The following UTY variants were observed in gnomAD, a reference collection of about 807,000 sequenced individuals.
The protein encoded by UTY is histone demethylase UTY.
UTY carries 12 observed loss-of-function variants against 32.5 expected under a neutral mutation model. The observed-to-expected ratio is 0.37, with a 90% confidence interval of 0.24 to 0.60. UTY has a LOEUF of 0.60. Ranked by LOEUF, UTY falls within the 20% of genes least tolerant of loss-of-function variation. UTY has a pLI of 0.69. For synonymous variants in UTY, 131 were observed against 103.4 expected (o/e 1.27, Z -1.62); for missense variants, 303 against 299.2 (o/e 1.01, Z -0.09).
intron 4 of UTY, among the ~76,000 whole-genome samples, chrY:13,446,619 T>TAGATAGATAGACAGACAGACAGAC (rs1556515298): frequency 3.5e-4 from 5 of 14,269 alleles, no homozygotes; most frequent in East Asian, 2.8e-3. Flanking sequence ...GATAGATAGA[T>TAGATAGATAGACAGACAGACAGAC]AGACAGACAG....
chrY:13,293,152 T>C (rs919161038), intron 27 of UTY, among the ~76,000 whole-genome samples: 9 of 33,729 alleles, frequency 2.7e-4, no homozygotes, highest in African/African-American at 1.0e-3. Flanking sequence ...TCATGGTTAA[T>C]GCTGTATGGA....
intron 16 of UTY, 36 bp downstream of exon 16, chrY:13,355,887 G>A: frequency 6.2e-6 from 2 of 324,511 alleles, no homozygotes; most frequent in South Asian, 7.3e-5. Flanking sequence ...TCAAACTGTT[G>A]GTAAATTTTA....
At chrY:13,311,487 C>T (rs2059083971) in intron 21 of UTY, among the ~76,000 whole-genome samples, 1 of 28,828 alleles carries the variant, frequency 3.5e-5, no homozygotes, top group African/African-American at 1.4e-4. Flanking sequence ...CCCAGCTACT[C>T]GGGAGGCTGA....
chrY:13,446,619 T>TAGATAGATAGATAGACAGACAGAC (rs1556515298), intron 4 of UTY, among the ~76,000 whole-genome samples: 16 of 14,269 alleles, frequency 1.1e-3, no homozygotes, highest in South Asian at 5.5e-3. Context: ...GATAGATAGA[T>TAGATAGATAGATAGACAGACAGAC]AGACAGACAG....
intron 27 of UTY, among the ~76,000 whole-genome samples, chrY:13,276,728 C>A: frequency 3.1e-5 from 1 of 32,467 alleles, no homozygotes; most frequent in Non-Finnish European, 7.6e-5. Flanking sequence ...CTCAAAAAAC[C>A]CCCCCCAAAA....
intron 23 of UTY, 129 bp from the exon 24 acceptor site, chrY:13,305,676 C>T: frequency 6.6e-6 from 2 of 302,638 alleles, no homozygotes; most frequent in Non-Finnish European, 8.8e-6. Context: ...AGAACTAAAG[C>T]GTTTAACTTA....
chrY:13,365,625 T>C (rs2064058100), intron 10 of UTY, among the ~76,000 whole-genome samples: 1 of 31,958 alleles, frequency 3.1e-5, no homozygotes, highest in Non-Finnish European at 7.5e-5. Flanking sequence ...ATTTTAAACA[T>C]TAATTATATT....
chrY:13,427,245 A>C (rs1050906999), intron 4 of UTY, among the ~76,000 whole-genome samples: 1 of 33,909 alleles, frequency 2.9e-5, no homozygotes, highest in Non-Finnish European at 7.4e-5. Context: ...ACTAGAGAAA[A>C]ATCACTTAAT....
At chrY:13,474,659 G>A (rs754606955) in intron 2 of UTY, among the ~76,000 whole-genome samples, 1 of 33,973 alleles carries the variant, frequency 2.9e-5, no homozygotes, top group East Asian at 7.7e-4. Flanking sequence ...CTAAGGACAC[G>A]CACAGGCCAA....
At chrY:13,306,840 C>T in intron 21 of UTY, among the ~76,000 whole-genome samples, 1 of 32,528 alleles carries the variant, frequency 3.1e-5, no homozygotes, top group Non-Finnish European at 7.5e-5. Flanking sequence ...ATGCCTCAGC[C>T]TCCCTCCAAT....
intron 1 of UTY, 43 bp downstream of exon 1, chrY:13,479,471 G>T: frequency 2.5e-6 from 1 of 398,295 alleles, no homozygotes; most frequent in Non-Finnish European, 3.5e-6. Context: ...GGCCTTCCCG[G>T]AGAGTATCGC....
chrY:13,376,711 C>G (rs2065421763), intron 8 of UTY, among the ~76,000 whole-genome samples: 1 of 33,357 alleles, frequency 3.0e-5, no homozygotes, highest in Non-Finnish European at 7.4e-5. Flanking sequence ...ACTGAAAATA[C>G]AAACAGTAGA....
intron 3 of UTY, among the ~76,000 whole-genome samples, chrY:13,455,413 T>C (rs2076719358): frequency 3.0e-5 from 1 of 33,177 alleles, no homozygotes. Flanking sequence ...GACTATCATG[T>C]GCTAAAGCAT....
chrY:13,237,518 G>T (rs2053862311), intron 28 of UTY, among the ~76,000 whole-genome samples: 2 of 33,446 alleles, frequency 6.0e-5, no homozygotes, highest in Non-Finnish European at 1.5e-4. Context: ...TTCATACCAG[G>T]TATCTCTGTA....
In UTY at chrY:13,397,413, T is replaced by C. The variant is rs780820060; in HGVS notation, c.556-441A>G. On this transcript the variant is annotated intron_variant, in intron 6 of 29. Transcript: ENST00000545955. ...GAGAATTAACATAAAGAATAAAACA[T>C]ACCTGGTTTTAATGGTTCTTCAATG... 3.3e-4 allele frequency among the ~76,000 whole-genome samples: 11 copies of C among 33,575 alleles called. No individual in the cohort carries two copies. In the East Asian group the frequency reaches 7.6e-3, roughly 23 times the overall value. The allele number at this position is 33,575 out of a possible 37,273, so 90.1% of individuals were successfully genotyped here. A position where few individuals can be genotyped will look rare whatever the true frequency, so the allele number is the denominator to read the frequency against.
chrY:13,286,568 A>G, intron 27 of UTY: 1 of 352,542 alleles, frequency 2.8e-6, no homozygotes, highest in Admixed American at 8.7e-5. Context: ...GACACTTGGG[A>G]GGTGCTTGTG....
chrY:13,358,865 T>C (rs2063231766), intron 13 of UTY, among the ~76,000 whole-genome samples: 1 of 33,215 alleles, frequency 3.0e-5, no homozygotes, highest in African/African-American at 1.2e-4. Flanking sequence ...TATGAGAATA[T>C]ACAAAGGTTT....
chrY:13,478,778 T>G, intron 2 of UTY, among the ~76,000 whole-genome samples: 1 of 33,439 alleles, frequency 3.0e-5, no homozygotes, highest in Non-Finnish European at 7.4e-5. Flanking sequence ...CATCAGTTTA[T>G]AGGTCAAATA....
chrY:13,427,197 T>C, intron 4 of UTY, among the ~76,000 whole-genome samples: 1 of 33,821 alleles, frequency 3.0e-5, no homozygotes, highest in Non-Finnish European at 7.4e-5. Flanking sequence ...AAGCTGTACA[T>C]GGACACTACA....
Sources: gnomAD v4.1 joint callset for allele counts (sites outside exome capture counted in the v4.1 genomes callset) on GRCh38, gnomAD v4.1.1 for gene constraint, MANE v1.5 for transcripts, NCBI Gene and HGNC (gene_info 2026-07-23, HGNC 2026-07-21) for gene names.